Variants in PLA2G6 observed in about 807,000 individuals in gnomAD.
The protein encoded by PLA2G6 is phospholipase A2 group VI.
A neutral mutation model predicts 83.8 loss-of-function variants in PLA2G6; 62 were observed. The ratio of observed to expected loss-of-function variants is 0.74; its 90% CI spans 0.60 to 0.91. PLA2G6 has a LOEUF of 0.91. Among genes scored for constraint, PLA2G6 ranks in the 40% least tolerant of loss-of-function variants. The pLI is 0.00. For synonymous variants in PLA2G6, 417 were observed against 449.8 expected, an observed-to-expected ratio of 0.93 and a Z score of 0.92; for missense variants, 944 against 1,102.0, an observed-to-expected ratio of 0.86 and a Z score of 2.03.
At chr22:38,121,003 C>T in intron 11 of PLA2G6, 94 bp from the exon 12 acceptor site, 2 of 1,477,458 alleles carry the variant, frequency 1.4e-6, no homozygotes, top group Non-Finnish European at 1.9e-6. Context: ...CAGGAGGTGG[C>T]AGGAGGAAGC....
chr22:38,169,100 C>T (rs1039147621), intron 2 of PLA2G6, 118 bp downstream of exon 2: 1 of 809,388 alleles, frequency 1.2e-6, no homozygotes, highest in African/African-American at 1.7e-5. Context: ...CTCTCCCACC[C>T]CTCTCCAGAC....
At chr22:38,166,565 T>C (rs1255366326) in intron 2 of PLA2G6, among the ~76,000 whole-genome samples, 1 of 151,690 alleles carries the variant, frequency 6.6e-6, no homozygotes, top group African/African-American at 2.4e-5. Flanking sequence ...CTGTCTCTAC[T>C]AAAAAACACA....
intron 6 of PLA2G6, chr22:38,134,239 G>T: frequency 6.5e-6 from 1 of 152,972 alleles, no homozygotes. Flanking sequence ...GTGGGACCTT[G>T]TGATCGTGTG....
intron 2 of PLA2G6, among the ~76,000 whole-genome samples, chr22:38,161,407 G>C (rs2090004706): frequency 1.3e-5 from 2 of 152,052 alleles, no homozygotes; most frequent in African/African-American, 4.8e-5. Context: ...CCATTCATGA[G>C]GGCTCCATCC....
intron 1 of PLA2G6, among the ~76,000 whole-genome samples, chr22:38,170,607 C>T (rs139633497): frequency 1.6e-4 from 24 of 152,272 alleles, no homozygotes; most frequent in Non-Finnish European, 3.5e-4. Context: ...CCAGAAAATA[C>T]ACTGCCTTCC....
intron 12 of PLA2G6, 132 bp downstream of exon 12, chr22:38,120,627 G>T: frequency 9.0e-7 from 1 of 1,105,282 alleles, no homozygotes; most frequent in South Asian, 1.3e-5. Context: ...CCCTGGGAAG[G>T]GGGTTCCCTC....
chr22:38,142,894 A>G (rs1203819364), intron 4 of PLA2G6: 26 of 663,924 alleles, frequency 3.9e-5, no homozygotes, highest in Non-Finnish European at 6.0e-5. Context: ...CAGGTTTATC[A>G]AGCAAAGAGA....
intron 9 of PLA2G6, chr22:38,127,053 C>T: frequency 9.1e-7 from 1 of 1,099,980 alleles, no homozygotes; most frequent in Non-Finnish European, 1.1e-6. Flanking sequence ...TGTCCAAGGC[C>T]TGCCTGACGT....
Position 38,123,044 on chromosome 22 carries a change from A to G in PLA2G6, c.1591+51T>C. 1 of 1,514,784 alleles carries G rather than the reference A, an allele frequency of 6.6e-7. No individual in the cohort carries two copies. Among genetic ancestry groups the G allele is most frequent in the Non-Finnish European group, 8.9e-7 (1 of 1,121,784 alleles). 93.8% of individuals were successfully genotyped at this position (1,514,784 alleles called of 1,614,324 possible). A position where few individuals can be genotyped will look rare whatever the true frequency, so the allele number is the denominator to read the frequency against. On this transcript the variant is annotated intron_variant, in intron 11 of 16. Transcript: ENST00000332509. This position sits in a 1 kb window ranked among gnomAD's most constrained non-coding sequence, Gnocchi z 4.1. ...CCCTGAAGACAAACTCGGCCCCTTGAGGACACAGGTCTCAGCCCCGCCTGG... is the reference window on the plus strand; with the variant it reads ...CCCTGAAGACAAACTCGGCCCCTTGGGGACACAGGTCTCAGCCCCGCCTGG...
At chr22:38,135,258 C>A in intron 5 of PLA2G6, 174 bp from the exon 6 acceptor site, 2 of 615,754 alleles carry the variant, frequency 3.2e-6, no homozygotes, top group Non-Finnish European at 5.9e-6. Flanking sequence ...CCCCTCAAGG[C>A]ACAACTAACC....
chr22:38,112,266 C>A lies in PLA2G6; in HGVS notation c.2316G>T (p.Glu772Asp), dbSNP rs761874020. Residue 772 changes from glutamate (E) to aspartate (D), a missense_variant, in exon 17 of 17, where the codon GAG (glutamate) becomes GAT (aspartate). Glu to Asp is a conservative substitution (Grantham distance 45). Transcript: ENST00000332509. ...PQLGTDIMLD[E>D]VSDTVLVNAL... ...CGTTGACCAGCACTGTGTCACTGACCTCATCCAGCATGATGTCCGTCCCCA... is the reference window on the plus strand; with the variant it reads ...CGTTGACCAGCACTGTGTCACTGACATCATCCAGCATGATGTCCGTCCCCA... 1.2e-6 allele frequency: 2 copies of A among 1,613,632 alleles called. No individual in the cohort carries two copies. Among genetic ancestry groups the A allele is most frequent in the Admixed American group, 1.7e-5 (1 of 59,988 alleles).
Position 38,131,949 on chromosome 22 carries a change from T to C in PLA2G6, c.1077+882A>G, listed in dbSNP as rs376224919. On this transcript the variant is annotated intron_variant, in intron 7 of 16. Coordinates refer to ENST00000332509, the MANE Select transcript of PLA2G6 (RefSeq NM_003560.4). ...GGCCAACGTGGTGAAACCCCGTCTC[T>C]ACTAAAAATACAAAAATTAGCTGGG... The C allele has an allele frequency of 2.0e-4, 69 of 339,500 alleles. No individual in the cohort carries two copies. In the East Asian group the frequency reaches 3.1e-3, roughly 15 times the overall value. The allele number at this position is 339,500 out of a possible 1,614,324, so 21.0% of individuals were successfully genotyped here. A position where few individuals can be genotyped will look rare whatever the true frequency, so the allele number is the denominator to read the frequency against.
At chr22:38,135,182 G>A (rs1456261797) in intron 5 of PLA2G6, 98 bp from the exon 6 acceptor site, 36 of 812,644 alleles carry the variant, frequency 4.4e-5, no homozygotes, top group Non-Finnish European at 7.7e-5. Context: ...CTTACAGAGA[G>A]CATCACTGCA....
At chr22:38,112,717 G>C in intron 15 of PLA2G6, 140 bp from the exon 16 acceptor site, 1 of 730,028 alleles carries the variant, frequency 1.4e-6, no homozygotes, top group Non-Finnish European at 2.4e-6. Flanking sequence ...CACAGCAGCA[G>C]AGCGGCTCGG....
At chr22:38,119,887 T>C (rs897273373) in intron 12 of PLA2G6, among the ~76,000 whole-genome samples, 5 of 151,894 alleles carry the variant, frequency 3.3e-5, no homozygotes, top group Non-Finnish European at 5.9e-5. Context: ...ATCTACCTCA[T>C]TAAGAACATG....
rs762965887 is a variant in PLA2G6, at chr22:38,145,620, T to C, written c.243A>G (p.Leu81=). 6.2e-7 allele frequency: 1 copy of C among 1,613,448 alleles called. No homozygotes were observed. Among genetic ancestry groups the C allele is most frequent in the Non-Finnish European group, 8.5e-7 (1 of 1,179,752 alleles). Residue 81 remains leucine (L), a synonymous_variant, in exon 3 of 17, where the codon CTA becomes CTG. Transcript: ENST00000332509. Reference sequence around the variant, plus strand: ...GGGAAGAATACTGATGGAAATTCACTAGGGCGTCAGCCTCCAACTCCAGCT... The same window carrying C: ...GGGAAGAATACTGATGGAAATTCACCAGGGCGTCAGCCTCCAACTCCAGCT... ...LFQLELEADA[L]VNFHQYSSQL...
chr22:38,118,986 T>C lies in PLA2G6; in HGVS notation c.1742+1773A>G, dbSNP rs374452323. On this transcript the variant is annotated intron_variant, in intron 12 of 16. Transcript: ENST00000332509. Reference sequence around the variant, plus strand: ...TATGTTGCCCAGGCTGGTCTCGACCTCCTGGCCTCAAGTGATCCTCCTGCC... The same window carrying C: ...TATGTTGCCCAGGCTGGTCTCGACCCCCTGGCCTCAAGTGATCCTCCTGCC... Among the ~76,000 whole-genome samples the C allele has an allele frequency of 6.6e-5, 10 of 152,164 alleles. 1 individual carries two copies. The highest frequency in any genetic ancestry group is 3.9e-4 in the East Asian group (2 of 5,190).
chr22:38,154,787 A>T (rs1253753874), intron 2 of PLA2G6, among the ~76,000 whole-genome samples: 1 of 152,246 alleles, frequency 6.6e-6, no homozygotes, highest in Non-Finnish European at 1.5e-5. Flanking sequence ...ACCAGTGGCC[A>T]ATTCTGGAGA....
chr22:38,129,685 C>T, intron 7 of PLA2G6, 123 bp from the exon 8 acceptor site: 1 of 733,324 alleles, frequency 1.4e-6, no homozygotes, highest in Non-Finnish European at 2.5e-6. Context: ...CACGGGGAGA[C>T]ACTGGAACCC....
Sources: gnomAD v4.1 joint callset for allele counts (sites outside exome capture counted in the v4.1 genomes callset) on GRCh38, gnomAD v4.1.1 for gene constraint, Gnocchi (gnomAD v3.1) non-coding constraint, MANE v1.5 for transcripts, NCBI Gene and HGNC (gene_info 2026-07-23, HGNC 2026-07-21) for gene names.